TSPAN5: variants seen among roughly 807,000 people sequenced by gnomAD.
TSPAN5 encodes tetraspanin-5.
A neutral mutation model predicts 37.1 loss-of-function variants in TSPAN5; 10 were observed. The observed-to-expected ratio is 0.27, with a 90% CI of 0.17 to 0.46. TSPAN5 has a LOEUF of 0.46. Ranked by LOEUF, TSPAN5 falls within the 20% of genes least tolerant of loss-of-function variation. The probability of loss-of-function intolerance (pLI) is 1.00; values close to 1 mark genes in which losing one functional copy is unlikely to be tolerated. For missense variants in TSPAN5, 195 were observed against 326.6 expected, an observed-to-expected ratio of 0.60 and a Z score of 3.11; for synonymous variants, 110 against 118.9, an observed-to-expected ratio of 0.93 and a Z score of 0.48.
intron 1 of TSPAN5, among the ~76,000 whole-genome samples, chr4:98,559,657 C>T (rs555597728): frequency 3.3e-5 from 5 of 152,288 alleles, no homozygotes; most frequent in African/African-American, 1.2e-4. Flanking sequence ...TCTGCATTTG[C>T]AAAAACTGTA....
intron 1 of TSPAN5, among the ~76,000 whole-genome samples, chr4:98,569,869 C>G (rs1185264605): frequency 6.6e-6 from 1 of 152,184 alleles, no homozygotes; most frequent in East Asian, 1.9e-4. Flanking sequence ...ATTTCACAAA[C>G]ATTTACTGAG....
chr4:98,622,805 A>C (rs1242056871), intron 1 of TSPAN5, among the ~76,000 whole-genome samples: 1 of 152,202 alleles, frequency 6.6e-6, no homozygotes, highest in Non-Finnish European at 1.5e-5. Context: ...CAAAGTATAG[A>C]AAAGAGGGGC....
intron 1 of TSPAN5, among the ~76,000 whole-genome samples, chr4:98,567,033 A>C (rs533122090): frequency 1.3e-5 from 2 of 152,374 alleles, no homozygotes; most frequent in Admixed American, 1.3e-4. Flanking sequence ...TGCAGCTACA[A>C]AGCTGCCCCC....
At chr4:98,559,199 G>A (rs1754824283) in intron 1 of TSPAN5, among the ~76,000 whole-genome samples, 1 of 152,118 alleles carries the variant, frequency 6.6e-6, no homozygotes, top group Admixed American at 6.5e-5. Flanking sequence ...CAGCAAAAAG[G>A]AATCACTATT....
At chr4:98,547,418 C>G (rs2110149594) in intron 1 of TSPAN5, among the ~76,000 whole-genome samples, 1 of 152,222 alleles carries the variant, frequency 6.6e-6, no homozygotes, top group East Asian at 1.9e-4. Flanking sequence ...ACTGGCAGAG[C>G]AGAGGAAGTC....
At chr4:98,590,089 G>T (rs2110206281) in intron 1 of TSPAN5, among the ~76,000 whole-genome samples, 1 of 152,132 alleles carries the variant, frequency 6.6e-6, no homozygotes, top group Admixed American at 6.5e-5. Context: ...ACACAACACA[G>T]ACCATGAAAT....
chr4:98,658,185 G>A lies in TSPAN5; in HGVS notation c.42C>T (p.Cys14=), dbSNP rs766894694. 1.9e-6 allele frequency: 3 copies of A among 1,614,178 alleles called. No homozygotes were observed. The East Asian group carries it at 6.7e-5, about 36-fold the overall frequency. ...KHYKGPEVSC[C]IKYFIFGFNV... is the part of the protein sequence containing the mutation. Reference sequence around the variant, plus strand: ...TGAAGCCAAATATGAAGTATTTGATGCAACAACTGACTTCAGGACCCTTGT... The same window carrying A: ...TGAAGCCAAATATGAAGTATTTGATACAACAACTGACTTCAGGACCCTTGT... Residue 14 remains cysteine (C), a synonymous_variant, in exon 1 of 8, where the codon TGC becomes TGT. Transcript: ENST00000305798.
intron 1 of TSPAN5, among the ~76,000 whole-genome samples, chr4:98,533,962 A>AAAAAAAAAAAAAAAAAAAAAAAAC (rs70955935): frequency 6.8e-6 from 1 of 147,166 alleles, no homozygotes; most frequent in Non-Finnish European, 1.5e-5. Flanking sequence ...AAAAAAAAAA[A>AAAAAAAAAAAAAAAAAAAAAAAAC]CCAGCTCCTG....
chr4:98,563,675 A>G (rs1029088138), intron 1 of TSPAN5, among the ~76,000 whole-genome samples: 1 of 152,232 alleles, frequency 6.6e-6, no homozygotes, highest in Non-Finnish European at 1.5e-5. Flanking sequence ...GCTTTTCCAA[A>G]ACTAGAAATA....
At chr4:98,546,469 C>T (rs1242004678) in intron 1 of TSPAN5, among the ~76,000 whole-genome samples, 1 of 152,126 alleles carries the variant, frequency 6.6e-6, no homozygotes, top group African/African-American at 2.4e-5. Context: ...CAGCAGTATT[C>T]CCCGACAGAA....
chr4:98,587,039 G>A (rs1015148455), intron 1 of TSPAN5, among the ~76,000 whole-genome samples: 2 of 152,224 alleles, frequency 1.3e-5, no homozygotes, highest in African/African-American at 4.8e-5. Context: ...AGCCAAGGGT[G>A]AGGGCTGAGG....
At chr4:98,550,779 G>A (rs573990378) in intron 1 of TSPAN5, among the ~76,000 whole-genome samples, 1 of 152,130 alleles carries the variant, frequency 6.6e-6, no homozygotes, top group South Asian at 2.1e-4. Flanking sequence ...GTTTTTTGGT[G>A]GAGTCTTTAA....
In TSPAN5 at chr4:98,658,521, G is replaced by A; in HGVS notation, c.-295C>T. On this transcript the variant is annotated 5_prime_UTR_variant, in exon 1 of 8. The change creates a new upstream start codon in the 5' untranslated region. Coordinates refer to ENST00000305798, the MANE Select transcript of TSPAN5 (RefSeq NM_005723.4). The stretch of plus-strand genomic sequence containing the variant: ...CCCCGAACACAAAGCGAGCGCCCGC[G>A]TCCGTGCGCCAGGCGGTCGGTCCGT... 1 of 200,792 alleles carries A rather than the reference G, an allele frequency of 5.0e-6. No individual in the cohort carries two copies. 12.4% of individuals were successfully genotyped at this position (200,792 alleles called of 1,614,324 possible).
chr4:98,505,707 C>T (rs1177332696), intron 2 of TSPAN5, among the ~76,000 whole-genome samples: 1 of 152,208 alleles, frequency 6.6e-6, no homozygotes, highest in Non-Finnish European at 1.5e-5. Flanking sequence ...ACTCTGCATC[C>T]CTCATTGTCG....
At chr4:98,618,155 A>G (rs1254730199) in intron 1 of TSPAN5, among the ~76,000 whole-genome samples, 3 of 152,204 alleles carry the variant, frequency 2.0e-5, no homozygotes, top group Non-Finnish European at 2.9e-5. Context: ...TTTAACTCCC[A>G]CAGATGTTAG....
intron 2 of TSPAN5, among the ~76,000 whole-genome samples, chr4:98,491,049 G>A (rs1425186017): frequency 1.3e-5 from 2 of 151,464 alleles, no homozygotes; most frequent in Non-Finnish European, 2.9e-5. Flanking sequence ...GTGACAAAGC[G>A]AGACTCTGCC....
At chr4:98,602,423 TAAG>T (rs1356892546) in intron 1 of TSPAN5, among the ~76,000 whole-genome samples, 2 of 152,238 alleles carry the variant, frequency 1.3e-5, no homozygotes, top group Non-Finnish European at 2.9e-5. Context: ...GCCTGTGGTA[TAAG>T]AAGGTTATTG....
chr4:98,620,866 A>G (rs1192154289), intron 1 of TSPAN5, among the ~76,000 whole-genome samples: 2 of 152,204 alleles, frequency 1.3e-5, no homozygotes, highest in African/African-American at 4.8e-5. Flanking sequence ...GGGGTTGTCT[A>G]TATACATTTT....
At chr4:98,643,873 A>C (rs1757007684) in intron 1 of TSPAN5, among the ~76,000 whole-genome samples, 1 of 152,254 alleles carries the variant, frequency 6.6e-6, no homozygotes, top group African/African-American at 2.4e-5. Context: ...AAAACAGAGT[A>C]GGCTTTCTCA....
Sources: gnomAD v4.1 joint callset for allele counts (sites outside exome capture counted in the v4.1 genomes callset) on GRCh38, gnomAD v4.1.1 for gene constraint, MANE v1.5 for transcripts, NCBI Gene and HGNC (gene_info 2026-07-23, HGNC 2026-07-21) for gene names.